The following ZNF679 variants were observed in gnomAD, a reference collection of about 807,000 sequenced individuals.
The protein encoded by ZNF679 is zinc finger protein 679.
A neutral mutation model predicts 13.4 loss-of-function variants in ZNF679; 10 were observed. The observed-to-expected ratio is 0.75, with a 90% CI of 0.46 to 1.27. The LOEUF is 1.27. Among genes scored for constraint, ZNF679 ranks in the 50% most tolerant of loss-of-function variants. The probability of loss-of-function intolerance (pLI) is 0.00; values close to 1 mark genes in which losing one functional copy is unlikely to be tolerated. For synonymous variants in ZNF679, 179 were observed against 162.5 expected (o/e 1.10, Z -0.77); for missense variants, 525 against 477.8 (o/e 1.10, Z -0.92).
At chr7:64,265,601 A>G (rs1221124828) in intron 4 of ZNF679, among the ~76,000 whole-genome samples, 1 of 152,154 alleles carries the variant, frequency 6.6e-6, no homozygotes, top group African/African-American at 2.4e-5. Context: ...ATGTTCTTCT[A>G]TTGGGGATGA....
chr7:64,261,048 C>A, intron 4 of ZNF679, 119 bp downstream of exon 4: 1 of 1,051,338 alleles, frequency 9.5e-7, no homozygotes, highest in Non-Finnish European at 1.3e-6. Flanking sequence ...TTCTAAGAAG[C>A]CCGAGTCATT....
At chr7:64,260,160 G>A in intron 2 of ZNF679, 61 bp from the exon 3 acceptor site, 1 of 1,463,902 alleles carries the variant, frequency 6.8e-7, no homozygotes, top group Non-Finnish European at 9.2e-7. Context: ...TCTGCCTACG[G>A]CCACATAGTA....
chr7:64,263,050 A>AT (rs11401141), intron 4 of ZNF679, among the ~76,000 whole-genome samples: 51,295 of 151,906 alleles, frequency 0.34, 10,335 homozygotes, highest in East Asian at 0.82. Context: ...TTTTAGTTTT[A>AT]TCAGTTTTGG....
chr7:64,253,441 C>G (rs551013126), intron 2 of ZNF679, among the ~76,000 whole-genome samples: 8 of 152,234 alleles, frequency 5.3e-5, no homozygotes, highest in African/African-American at 1.7e-4. Context: ...AGGAAGAAGC[C>G]TTTATACTGA....
Position 64,236,051 on chromosome 7 carries a change from G to C in ZNF679, c.-91+7399G>C, listed in dbSNP as rs368176061. ...GGAGGCCAAGGTGGGTGGATCATGA[G>C]GTCAGGAGTTCAAGACCAGCCTGAC... On this transcript the variant is annotated intron_variant, in intron 1 of 4. Coordinates refer to ENST00000421025, the MANE Select transcript of ZNF679 (RefSeq NM_153363.3). Among the ~76,000 whole-genome samples, 23 of 152,088 alleles carry C rather than the reference G, an allele frequency of 1.5e-4. 1 individual carries two copies. The South Asian group carries it at 4.4e-3, about 29-fold the overall frequency.
chr7:64,232,135 G>A (rs1787647730), intron 1 of ZNF679, among the ~76,000 whole-genome samples: 1 of 152,218 alleles, frequency 6.6e-6, no homozygotes, highest in African/African-American at 2.4e-5. Flanking sequence ...AGTGAGCAGA[G>A]ATGGTGAGAC....
intron 4 of ZNF679, 126 bp downstream of exon 4, chr7:64,261,055 C>A: frequency 2.0e-6 from 2 of 996,134 alleles, no homozygotes; most frequent in South Asian, 1.7e-5. Flanking sequence ...AAGCCCGAGT[C>A]ATTTTTTTTT....
chr7:64,261,159 G>T (rs1788072260), intron 4 of ZNF679, among the ~76,000 whole-genome samples: 1 of 152,170 alleles, frequency 6.6e-6, no homozygotes, highest in Non-Finnish European at 1.5e-5. Context: ...CAAGTTCACA[G>T]TGTGAGCCAA....
chr7:64,235,834 G>A (rs538577011), intron 1 of ZNF679, among the ~76,000 whole-genome samples: 76 of 138,834 alleles, frequency 5.5e-4, no homozygotes, highest in African/African-American at 1.8e-3. Context: ...GAGAGAGAAA[G>A]GAAGGAAGGA....
chr7:64,235,818 CAGAG>C (rs1264805806), intron 1 of ZNF679, among the ~76,000 whole-genome samples: 3 of 127,466 alleles, frequency 2.4e-5, no homozygotes, highest in Non-Finnish European at 3.5e-5. Context: ...AAGAAAGAGA[CAGAG>C]AGAGAGAGAA....
At position 64,233,252 on chromosome 7, in the gene ZNF679, A is replaced by AC. The variant is rs1386555629; in HGVS notation, c.-91+4601dup. ...TCAGACTCTGTCTCAAAACAAATAA[A>AC]CAAAAAAAAAAAAAAAGAAAGAAAG... is the stretch of plus-strand genomic sequence containing the variant. On this transcript the variant is annotated intron_variant, in intron 1 of 4. Transcript: ENST00000421025. Among the ~76,000 whole-genome samples the AC allele has an allele frequency of 5.7e-4, 66 of 115,220 alleles. 2 individuals carry two copies. The South Asian group carries it at 9.9e-3, about 17-fold the overall frequency. The allele number at this position is 115,220 out of a possible 152,430, so 75.6% of individuals were successfully genotyped here.
At chr7:64,257,415 ATTG>A (rs1788017895) in intron 2 of ZNF679, among the ~76,000 whole-genome samples, 1 of 152,248 alleles carries the variant, frequency 6.6e-6, no homozygotes, top group Middle Eastern at 3.4e-3. Context: ...GTATTGATTT[ATTG>A]TTCTATATAT....
chr7:64,242,084 G>A (rs769250004), intron 1 of ZNF679, among the ~76,000 whole-genome samples: 1 of 152,204 alleles, frequency 6.6e-6, no homozygotes, highest in Non-Finnish European at 1.5e-5. Context: ...TATAAACAGT[G>A]TCCCAGTAGG....
chr7:64,230,605 C>T (rs938755741), intron 1 of ZNF679, among the ~76,000 whole-genome samples: 6 of 151,474 alleles, frequency 4.0e-5, no homozygotes, highest in Non-Finnish European at 7.4e-5. Context: ...CAAGGTGTAG[C>T]CCAAATATAT....
chr7:64,233,685 A>T (rs966359133), intron 1 of ZNF679, among the ~76,000 whole-genome samples: 1 of 152,086 alleles, frequency 6.6e-6, no homozygotes, highest in African/African-American at 2.4e-5. Context: ...TGGAATAAGG[A>T]AACCACCTTC....
intron 1 of ZNF679, among the ~76,000 whole-genome samples, chr7:64,237,389 G>A (rs1315853462): frequency 1.3e-5 from 2 of 152,194 alleles, no homozygotes; most frequent in African/African-American, 4.8e-5. Context: ...GCCAGGTGGG[G>A]AGAGGAGTCC....
intron 1 of ZNF679, among the ~76,000 whole-genome samples, chr7:64,247,236 C>G (rs2116526170): frequency 6.6e-6 from 1 of 152,248 alleles, no homozygotes; most frequent in South Asian, 2.1e-4. Context: ...CATCTTGTGC[C>G]AATCTCCTAT....
chr7:64,253,678 C>T (rs1787969863), intron 2 of ZNF679, among the ~76,000 whole-genome samples: 1 of 152,116 alleles, frequency 6.6e-6, no homozygotes. Flanking sequence ...AATGTTTAGG[C>T]AGACAAGGAC....
chr7:64,249,850 TA>T (rs1462048040), intron 2 of ZNF679, among the ~76,000 whole-genome samples: 2 of 152,188 alleles, frequency 1.3e-5, no homozygotes, highest in African/African-American at 2.4e-5. Flanking sequence ...AGAAATGCAA[TA>T]TTTTTTTTGA....
Sources: gnomAD v4.1 joint callset for allele counts (sites outside exome capture counted in the v4.1 genomes callset) on GRCh38, gnomAD v4.1.1 for gene constraint, MANE v1.5 for transcripts, NCBI Gene and HGNC (gene_info 2026-07-23, HGNC 2026-07-21) for gene names.